The following SDC2 variants were observed in gnomAD, a reference collection of about 807,000 sequenced individuals.
SDC2 encodes syndecan 2.
A neutral mutation model predicts 22.2 loss-of-function variants in SDC2; 13 were observed. The ratio of observed to expected loss-of-function variants is 0.59; its 90% confidence interval spans 0.38 to 0.93. SDC2 has a LOEUF of 0.93. SDC2 is among the 40% of genes least tolerant of loss of function. The probability of loss-of-function intolerance (pLI) is 0.00; values close to 1 mark genes in which losing one functional copy is unlikely to be tolerated. For synonymous variants in SDC2, 94 were observed against 92.8 expected (o/e 1.01, Z -0.07); for missense variants, 235 against 246.8 (o/e 0.95, Z 0.32).
At chr8:96,607,076 T>C (rs951906843) in intron 3 of SDC2, among the ~76,000 whole-genome samples, 5 of 152,160 alleles carry the variant, frequency 3.3e-5, no homozygotes, top group Admixed American at 2.0e-4. Context: ...CCTGTTGTGC[T>C]CCTTATGAGA....
chr8:96,594,881 A>G (rs545041838), intron 2 of SDC2, among the ~76,000 whole-genome samples: 1 of 152,346 alleles, frequency 6.6e-6, no homozygotes, highest in South Asian at 2.1e-4. Flanking sequence ...TTATGAAACC[A>G]TCAGATCTCA....
chr8:96,599,995 AT>A (rs974916260), intron 2 of SDC2, among the ~76,000 whole-genome samples: 11 of 150,298 alleles, frequency 7.3e-5, no homozygotes, highest in East Asian at 1.9e-4. Flanking sequence ...AATAATAATA[AT>A]TTTTTTTTTA....
chr8:96,543,539 G>GT (rs1813885755), intron 1 of SDC2, among the ~76,000 whole-genome samples: 1 of 152,148 alleles, frequency 6.6e-6, no homozygotes, highest in Admixed American at 6.5e-5. Context: ...TATATTCAAA[G>GT]TTTTTGTTTA....
At chr8:96,558,414 C>G (rs1450954364) in intron 1 of SDC2, among the ~76,000 whole-genome samples, 1 of 148,394 alleles carries the variant, frequency 6.7e-6, no homozygotes, top group African/African-American at 2.5e-5. Context: ...CAGTTACAGC[C>G]TTGCCATGGA....
At chr8:96,602,690 G>A (rs1379117178) in intron 3 of SDC2, among the ~76,000 whole-genome samples, 162 bp downstream of exon 3, 1 of 152,124 alleles carries the variant, frequency 6.6e-6, no homozygotes, top group East Asian at 1.9e-4. Flanking sequence ...ACTTAAAATT[G>A]TGTAAGGACA....
At chr8:96,531,951 A>G (rs899773761) in intron 1 of SDC2, among the ~76,000 whole-genome samples, 4 of 152,252 alleles carry the variant, frequency 2.6e-5, no homozygotes, top group African/African-American at 9.6e-5. Flanking sequence ...TTGTAACATC[A>G]GAGTGACTTG....
intron 1 of SDC2, among the ~76,000 whole-genome samples, chr8:96,534,608 T>C (rs1427902628): frequency 6.6e-6 from 1 of 152,028 alleles, no homozygotes; most frequent in East Asian, 1.9e-4. Context: ...CTATTTTTTT[T>C]TTATTTTTTG....
intron 1 of SDC2, among the ~76,000 whole-genome samples, chr8:96,495,505 C>T (rs1036618889): frequency 2.0e-5 from 3 of 151,244 alleles, no homozygotes; most frequent in Admixed American, 6.6e-5. Context: ...CCTCAGTGCC[C>T]TCTGGGGTCT....
At chr8:96,516,489 A>G (rs1813403960) in intron 1 of SDC2, among the ~76,000 whole-genome samples, 1 of 152,128 alleles carries the variant, frequency 6.6e-6, no homozygotes, top group Admixed American at 6.5e-5. Flanking sequence ...GTGTATTCAC[A>G]CAATTGTGCA....
At chr8:96,592,939 C>T (rs908586671) in intron 1 of SDC2, among the ~76,000 whole-genome samples, 4 of 152,338 alleles carry the variant, frequency 2.6e-5, no homozygotes, top group African/African-American at 4.8e-5. Flanking sequence ...CCTGCATGGC[C>T]TGAGGACCCA....
chr8:96,523,472 G>A (rs915650545), intron 1 of SDC2, among the ~76,000 whole-genome samples: 10 of 152,164 alleles, frequency 6.6e-5, no homozygotes, highest in African/African-American at 2.4e-4. Context: ...TGGAGTCCTA[G>A]GTGCTATTGG....
intron 1 of SDC2, among the ~76,000 whole-genome samples, chr8:96,559,708 T>C (rs1814176055): frequency 6.6e-6 from 1 of 152,182 alleles, no homozygotes; most frequent in Non-Finnish European, 1.5e-5. Flanking sequence ...AAGTAGGTCT[T>C]GTAGTCTCCA....
intron 1 of SDC2, among the ~76,000 whole-genome samples, chr8:96,590,421 C>T (rs1320208322): frequency 6.6e-6 from 1 of 152,150 alleles, no homozygotes; most frequent in African/African-American, 2.4e-5. Flanking sequence ...AGGTTTTCTC[C>T]TCAGTCAAGC....
intron 1 of SDC2, among the ~76,000 whole-genome samples, chr8:96,547,311 G>C (rs904610633): frequency 5.3e-5 from 8 of 152,192 alleles, no homozygotes; most frequent in African/African-American, 1.7e-4. Flanking sequence ...TGGTTCATTA[G>C]CTTACACTAT....
Position 96,549,544 on chromosome 8 carries a change from T to A in SDC2, c.61-43936T>A, listed in dbSNP as rs1258142192. On this transcript the variant is annotated intron_variant, in intron 1 of 4. Transcript: ENST00000302190. ...TAGGTAGAACCAATTTGGCCCCTAA[T>A]AGGCTAACTGGAGCCAGTAGTTTAA... Among the ~76,000 whole-genome samples, 73 of 152,320 alleles carry A rather than the reference T, an allele frequency of 4.8e-4. 1 individual carries two copies. Among genetic ancestry groups the A allele is most frequent in the Non-Finnish European group, 2.9e-4 (20 of 68,034 alleles).
Position 96,611,345 on chromosome 8 carries a change from C to T in SDC2, c.*1797C>T, listed in dbSNP as rs1815172518. 6.6e-6 allele frequency: 1 copy of T among 152,528 alleles called. No homozygotes were observed. The highest frequency in any genetic ancestry group is 2.4e-5 in the African/African-American group (1 of 41,442). 9.4% of individuals were successfully genotyped at this position (152,528 alleles called of 1,614,324 possible). On this transcript the variant is annotated 3_prime_UTR_variant, in exon 5 of 5. Coordinates refer to ENST00000302190, the MANE Select transcript of SDC2 (RefSeq NM_002998.4). ...AAGACAGCAAAAAAAGCAACTTTTCCAACATACAATTTACTTTTAATAAAG... is the reference window on the plus strand; with the variant it reads ...AAGACAGCAAAAAAAGCAACTTTTCTAACATACAATTTACTTTTAATAAAG...
intron 1 of SDC2, among the ~76,000 whole-genome samples, chr8:96,495,344 G>A (rs889040125): frequency 6.6e-6 from 1 of 152,218 alleles, no homozygotes; most frequent in Non-Finnish European, 1.5e-5. Context: ...GCGCTTCGGG[G>A]GCTGGAGCTT....
chr8:96,556,725 A>G (rs1468699018), intron 1 of SDC2, among the ~76,000 whole-genome samples: 2 of 152,170 alleles, frequency 1.3e-5, no homozygotes, highest in South Asian at 2.1e-4. Context: ...CAAGGACTTC[A>G]TGTCTAAAAC....
At chr8:96,502,817 G>A (rs1813186343) in intron 1 of SDC2, among the ~76,000 whole-genome samples, 1 of 152,182 alleles carries the variant, frequency 6.6e-6, no homozygotes, top group African/African-American at 2.4e-5. Context: ...GACACAATAA[G>A]TAGGGACTTT....
Sources: allele counts gnomAD v4.1 joint callset (sites outside exome capture counted in the v4.1 genomes callset), GRCh38; gene constraint gnomAD v4.1.1; transcripts MANE v1.5; gene names NCBI Gene and HGNC (gene_info 2026-07-23, HGNC 2026-07-21).